The following GPR173 variants were observed in gnomAD, a reference collection of about 807,000 sequenced individuals.
GPR173 encodes the protein G protein-coupled receptor 173, also known as probable G protein-coupled receptor 173.
In GPR173, 2 loss-of-function variants were observed where a neutral mutation model predicts 13.9. The observed-to-expected ratio is 0.14, with a 90% CI of 0.06 to 0.45. The LOEUF (loss-of-function observed/expected upper bound fraction) is 0.45, where lower values mean the gene tolerates loss of function less well. Ranked by LOEUF, GPR173 falls within the 20% of genes least tolerant of loss-of-function variation. The pLI is 0.98. For synonymous variants in GPR173, 131 were observed against 141.0 expected, an observed-to-expected ratio of 0.93 and a Z score of 0.50; for missense variants, 202 against 340.5, an observed-to-expected ratio of 0.59 and a Z score of 3.20.
At chrX:53,076,396 A>C in intron 1 of GPR173, 129 bp from the exon 2 acceptor site, 2 of 324,217 alleles carry the variant, frequency 6.2e-6, no homozygotes, top group Admixed American at 5.7e-5. Flanking sequence ...TCTCTTTCCC[A>C]CTTTGTCTCT....
intron 1 of GPR173, among the ~76,000 whole-genome samples, chrX:53,067,020 C>T (rs1353363091): frequency 8.9e-6 from 1 of 111,782 alleles, no homozygotes; most frequent in Non-Finnish European, 1.9e-5. Context: ...TCAAAGTATT[C>T]ATGTATCACT....
At chrX:53,050,967 G>T (rs967570031) in intron 1 of GPR173, among the ~76,000 whole-genome samples, 10 of 112,606 alleles carry the variant, frequency 8.9e-5, no homozygotes, top group African/African-American at 3.2e-4. Context: ...GCAGAGGCCT[G>T]GCTTGCAGCC....
At chrX:53,075,406 C>T (rs1556805684) in intron 1 of GPR173, among the ~76,000 whole-genome samples, 2 of 103,344 alleles carry the variant, frequency 1.9e-5, no homozygotes, top group African/African-American at 7.1e-5. Context: ...TTGTCATCAT[C>T]TGACATACTA....
intron 1 of GPR173, among the ~76,000 whole-genome samples, chrX:53,071,836 G>A (rs991655082): frequency 8.9e-6 from 1 of 112,129 alleles, no homozygotes; most frequent in African/African-American, 3.2e-5. Context: ...ATATGTGTGT[G>A]AGTGCGTGTG....
Position 53,077,814 on chromosome X carries a change from G to A in GPR173, c.*71G>A. ...TGATGGGGCCAACAGCAAGGGAGGG[G>A]TAGGGGCCCATACAGGAGTCCTCCT... On this transcript the variant is annotated 3_prime_UTR_variant, in exon 2 of 2. Transcript: ENST00000332582. 2 of 902,845 alleles carry A rather than the reference G, an allele frequency of 2.2e-6. No individual in the cohort carries two copies. The highest frequency in any genetic ancestry group is 3.1e-6 in the Non-Finnish European group (2 of 637,052). The allele number at this position is 902,845 out of a possible 1,213,427, so 74.4% of individuals were successfully genotyped here. A position where few individuals can be genotyped will look rare whatever the true frequency, so the allele number is the denominator to read the frequency against.
intron 1 of GPR173, among the ~76,000 whole-genome samples, chrX:53,067,022 T>C (rs782586099): frequency 3.6e-5 from 4 of 111,967 alleles, no homozygotes; most frequent in Non-Finnish European, 7.5e-5. Flanking sequence ...AAAGTATTCA[T>C]GTATCACTTT....
chrX:53,076,571 G>T lies in GPR173; in HGVS notation c.-51G>T. 9.4e-7 allele frequency: 1 copy of T among 1,068,915 alleles called. No homozygotes were observed. The allele number at this position is 1,068,915 out of a possible 1,213,427, so 88.1% of individuals were successfully genotyped here. A position where few individuals can be genotyped will look rare whatever the true frequency, so the allele number is the denominator to read the frequency against. ...CATGGAGCCCCCCCGGGCCCATCGA[G>T]TACCGGACTGGCTGACCCCCTAGGG... On this transcript the variant is annotated 5_prime_UTR_variant, in exon 2 of 2. Coordinates refer to ENST00000332582, the MANE Select transcript of GPR173 (RefSeq NM_018969.6).
intron 1 of GPR173, among the ~76,000 whole-genome samples, chrX:53,055,510 T>TTGGGTG (rs1932020532): frequency 9.1e-6 from 1 of 110,188 alleles, no homozygotes; most frequent in South Asian, 3.8e-4. Flanking sequence ...GTATACGTAC[T>TTGGGTG]TGGGTGTGGA....
chrX:53,071,997 T>C (rs1932264175), intron 1 of GPR173, among the ~76,000 whole-genome samples: 1 of 109,951 alleles, frequency 9.1e-6, no homozygotes, highest in South Asian at 3.9e-4. Flanking sequence ...CAGGTGTGCG[T>C]GTGTTCTGTG....
At chrX:53,067,934 A>G (rs1234291913) in intron 1 of GPR173, among the ~76,000 whole-genome samples, 3 of 112,646 alleles carry the variant, frequency 2.7e-5, no homozygotes, top group Non-Finnish European at 5.6e-5. Flanking sequence ...ATGTAAAAAC[A>G]AAAGATAGTA....
chrX:53,056,783 G>T lies in GPR173; in HGVS notation c.-98+7299G>T, dbSNP rs1932045518. 5.4e-5 allele frequency among the ~76,000 whole-genome samples: 6 copies of T among 111,333 alleles called. No individual in the cohort carries two copies. In the South Asian group the frequency reaches 2.3e-3, roughly 42 times the overall value. The stretch of plus-strand genomic sequence containing the variant: ...TCCCGGGGCATATATATCTCTGCTG[G>T]AATGTCTGTAAATGTGAACGTGTCC... On this transcript the variant is annotated intron_variant, in intron 1 of 1. Transcript: ENST00000332582.
rs782541155 is a variant in GPR173 at position 53,072,633 on chromosome X, CTCTG to C, written c.-97-3890_-97-3887del. ...CACACACCTCTCTCTCCTTCTCTCT[CTCTG>C]TGTCTCTCTGGCCTCTCTCTTACAT... is the stretch of plus-strand genomic sequence containing the variant. On this transcript the variant is annotated intron_variant, in intron 1 of 1. Coordinates refer to ENST00000332582, the MANE Select transcript of GPR173 (RefSeq NM_018969.6). 7.2e-5 allele frequency among the ~76,000 whole-genome samples: 8 copies of C among 110,932 alleles called. No homozygotes were observed. In the East Asian group the frequency reaches 8.4e-4, roughly 12 times the overall value.
In GPR173 at chrX:53,079,654, TTGAG is replaced by T. The variant is rs1461704699; in HGVS notation, c.*1915_*1918del. ...TCTGACCACATGTGGAGAGACATGA[TTGAG>T]TGATAGTGTGTGTCTGTGTGACTTT... is the stretch of plus-strand genomic sequence containing the variant. On this transcript the variant is annotated 3_prime_UTR_variant, in exon 2 of 2. Transcript: ENST00000332582. The T allele has an allele frequency of 2.5e-5, 3 of 121,167 alleles. No homozygotes were observed. Among genetic ancestry groups the T allele is most frequent in the Non-Finnish European group, 3.8e-5 (2 of 52,734 alleles). 10.0% of individuals were successfully genotyped at this position (121,167 alleles called of 1,213,427 possible). A position where few individuals can be genotyped will look rare whatever the true frequency, so the allele number is the denominator to read the frequency against.
intron 1 of GPR173, among the ~76,000 whole-genome samples, chrX:53,060,025 T>TAC (rs782269275): frequency 2.4e-5 from 2 of 82,336 alleles, no homozygotes; most frequent in African/African-American, 7.6e-5. Flanking sequence ...TATATATATA[T>TAC]ATATATACAC....
chrX:53,075,429 G>A (rs183527779), intron 1 of GPR173, among the ~76,000 whole-genome samples: 1 of 102,454 alleles, frequency 9.8e-6, no homozygotes, highest in East Asian at 3.0e-4. Flanking sequence ...CTTCACCCGT[G>A]TCTCTTCTTT....
chrX:53,062,981 GTCTCATGCCTCCAGCCT>G (rs1261603500), intron 1 of GPR173, among the ~76,000 whole-genome samples: 1 of 111,333 alleles, frequency 9.0e-6, no homozygotes, highest in Non-Finnish European at 1.9e-5. Context: ...ATGGGTTGAA[GTCTCATGCCTCCAGCCT>G]TCGCAGGCTG....
chrX:53,073,321 G>A (rs1214435915), intron 1 of GPR173, among the ~76,000 whole-genome samples: 1 of 109,668 alleles, frequency 9.1e-6, no homozygotes. Flanking sequence ...TGGGAGGGAG[G>A]GAGTAGGAAG....
chrX:53,072,729 A>G (rs1299559704), intron 1 of GPR173, among the ~76,000 whole-genome samples: 10 of 110,765 alleles, frequency 9.0e-5, no homozygotes, highest in South Asian at 3.8e-4. Flanking sequence ...GAGAAAGAGA[A>G]AGAGAGAGAG....
chrX:53,058,910 T>TTC (rs1556803427), intron 1 of GPR173, among the ~76,000 whole-genome samples: 2 of 110,438 alleles, frequency 1.8e-5, no homozygotes, highest in African/African-American at 6.6e-5. Flanking sequence ...ATTCCTTTTT[T>TTC]TTTTTTCGTA....
Sources: allele counts gnomAD v4.1 joint callset (sites outside exome capture counted in the v4.1 genomes callset), GRCh38; gene constraint gnomAD v4.1.1; transcripts MANE v1.5; gene names NCBI Gene and HGNC (gene_info 2026-07-23, HGNC 2026-07-21).